The following SYNPO variants were observed in gnomAD, a reference collection of about 807,000 sequenced individuals.
SYNPO encodes the protein synaptopodin.
SYNPO carries 19 observed loss-of-function variants against 49.5 expected under a neutral mutation model. The ratio of observed to expected loss-of-function variants is 0.38; its 90% CI spans 0.27 to 0.56. SYNPO has a LOEUF of 0.56. Ranked by LOEUF, SYNPO falls within the 20% of genes least tolerant of loss-of-function variation. The probability of loss-of-function intolerance (pLI) is 0.68; values close to 1 mark genes in which losing one functional copy is unlikely to be tolerated. For missense variants in SYNPO, 1,131 were observed against 1,248.3 expected (o/e 0.91, Z 1.42); for synonymous variants, 536 against 548.0 (o/e 0.98, Z 0.31).
At chr5:150,636,847 G>A (rs1282908501), upstream of SYNPO, among the ~76,000 whole-genome samples, 16 of 152,102 alleles carry the variant, frequency 1.1e-4, no homozygotes, top group Non-Finnish European at 2.1e-4. Context: ...CTGATAATGA[G>A]CAGAAGAGTG....
chr5:150,618,182 A>C (rs1438006215), exon 2 of SYNPO: 1 of 679,614 alleles, frequency 1.5e-6, no homozygotes, highest in Non-Finnish European at 2.3e-6. Flanking sequence ...CCCAGGAAGG[A>C]CTTATCTTTC....
At chr5:150,601,717 C>A (rs946659880) in intron 1 of SYNPO, among the ~76,000 whole-genome samples, 1 of 152,116 alleles carries the variant, frequency 6.6e-6, no homozygotes, top group Non-Finnish European at 1.5e-5. Flanking sequence ...CTGCTGGCTG[C>A]CCCCTGGGAG....
At chr5:150,593,114 T>A in the SYNPO span, among the ~76,000 whole-genome samples, 1 of 152,262 alleles carries the variant, frequency 6.6e-6, no homozygotes, top group Non-Finnish European at 1.5e-5. Context: ...CATACTTCTT[T>A]GAATTCTACC....
intron 2 of SYNPO, among the ~76,000 whole-genome samples, chr5:150,619,838 C>A (rs955456741): frequency 1.3e-5 from 2 of 152,238 alleles, no homozygotes; most frequent in African/African-American, 2.4e-5. Flanking sequence ...CTGATCACCC[C>A]CCATGGCCAC....
upstream of SYNPO, among the ~76,000 whole-genome samples, chr5:150,598,755 A>G (rs1186462948): frequency 6.6e-6 from 1 of 152,166 alleles, no homozygotes; most frequent in East Asian, 1.9e-4. Flanking sequence ...TGCAGAGACA[A>G]CACAACTCAT....
At chr5:150,614,162 C>T (rs758876078) in intron 1 of SYNPO, among the ~76,000 whole-genome samples, 6 of 152,172 alleles carry the variant, frequency 3.9e-5, no homozygotes, top group African/African-American at 7.2e-5. Flanking sequence ...GGAAGTGGAT[C>T]GTGTTTTAAG....
intron 1 of SYNPO, among the ~76,000 whole-genome samples, chr5:150,643,794 A>G (rs1757993480): frequency 6.6e-6 from 1 of 152,062 alleles, no homozygotes; most frequent in Non-Finnish European, 1.5e-5. Flanking sequence ...TGGCCCCCCA[A>G]AATGCTAGGA....
At chr5:150,610,379 C>G (rs1756814365) in intron 1 of SYNPO, among the ~76,000 whole-genome samples, 1 of 152,210 alleles carries the variant, frequency 6.6e-6, no homozygotes, top group Non-Finnish European at 1.5e-5. Context: ...CCACGCCAGG[C>G]CACAGACACC....
At chr5:150,588,280 T>G in the SYNPO span, among the ~76,000 whole-genome samples, 1 of 152,148 alleles carries the variant, frequency 6.6e-6, no homozygotes, top group Admixed American at 6.5e-5. Context: ...CACTCTCTGG[T>G]GTGCCCCGGG....
Position 150,649,106 on chromosome 5 carries a change from G to A in SYNPO, c.831G>A (p.Leu277=), listed in dbSNP as rs1269584012. The A allele has an allele frequency of 1.2e-6, 2 of 1,613,886 alleles. No homozygotes were observed. Among genetic ancestry groups the A allele is most frequent in the Non-Finnish European group, 1.7e-6 (2 of 1,179,862 alleles). The change falls in exon 2 of 3, where the codon TTG becomes TTA. Residue 277 remains leucine, a synonymous_variant. Transcript: ENST00000307662. ...EKAPAPQPPS[L]PDRSPRPQRH... ...CCCCGGCTCCCCAGCCCCCCAGTTT[G>A]CCAGACAGGAGCCCCCGGCCACAGA...
chr5:150,626,683 C>G (rs1350722282), intron 2 of SYNPO, among the ~76,000 whole-genome samples: 1 of 152,232 alleles, frequency 6.6e-6, no homozygotes, highest in South Asian at 2.1e-4. Flanking sequence ...CTGTGGCATT[C>G]AGGCGCGTGG....
chr5:150,649,480 C>A lies in SYNPO; in HGVS notation c.1205C>A (p.Ala402Glu). 1 of 1,613,936 alleles carries A rather than the reference C, an allele frequency of 6.2e-7. No homozygotes were observed. The highest frequency in any genetic ancestry group is 8.5e-7 in the Non-Finnish European group (1 of 1,179,940). The change falls in exon 2 of 3, where the codon GCG (alanine) becomes GAG (glutamate). Residue 402 changes from alanine (A) to glutamate (E), a missense_variant. Physicochemically the swap from Ala to Glu is moderately radical, Grantham distance 107 (BLOSUM62 -1). Coordinates refer to ENST00000307662, the MANE Select transcript of SYNPO (RefSeq NM_007286.6). ...NPDLLDLVQT[A>E]DEKRRQRDQG... is the part of the protein sequence containing the mutation. ...GACTTGCTGGATCTGGTACAGACAG[C>A]GGATGAGAAGCGGCGGCAGAGGGAC...
chr5:150,593,207 C>T, the SYNPO span, among the ~76,000 whole-genome samples: 1 of 152,234 alleles, frequency 6.6e-6, no homozygotes, highest in African/African-American at 2.4e-5. Context: ...GAGGCCCTGA[C>T]TTGTGTGCTA....
rs536282675 is a variant in SYNPO at position 150,605,419 on chromosome 5, C to G, written c.-266+4231C>G. On this transcript the variant is annotated intron_variant, in intron 1 of 2. Coordinates refer to the SYNPO transcript ENST00000394243. ...AAGGATATTTAAAGAGATGAGGAAACTCAGAAAATTGAGGCTCAGATAGGG... is the reference window on the plus strand; with the variant it reads ...AAGGATATTTAAAGAGATGAGGAAAGTCAGAAAATTGAGGCTCAGATAGGG... Among the ~76,000 whole-genome samples, 12 of 151,930 alleles carry G rather than the reference C, an allele frequency of 7.9e-5. No individual in the cohort carries two copies. In the South Asian group the frequency reaches 8.3e-4, roughly 10 times the overall value.
chr5:150,613,185 G>A (rs975163545), intron 1 of SYNPO, among the ~76,000 whole-genome samples: 2 of 152,102 alleles, frequency 1.3e-5, no homozygotes, highest in African/African-American at 4.8e-5. Flanking sequence ...TCAGTCCCAT[G>A]CCTGCTGGTC....
At chr5:150,641,763 C>A (rs951487424) in intron 1 of SYNPO, among the ~76,000 whole-genome samples, 1 of 152,198 alleles carries the variant, frequency 6.6e-6, no homozygotes, top group African/African-American at 2.4e-5. Flanking sequence ...ATGAGTTTAT[C>A]AACTCTTCTC....
chr5:150,617,624 C>CT (rs1757016981), intron 1 of SYNPO: 1 of 152,150 alleles, frequency 6.6e-6, no homozygotes, highest in African/African-American at 2.4e-5. Flanking sequence ...GCACAATCTC[C>CT]TCCAAGGGCT....
chr5:150,634,917 C>G (rs2151391890), intron 2 of SYNPO, among the ~76,000 whole-genome samples: 1 of 152,076 alleles, frequency 6.6e-6, no homozygotes, highest in Middle Eastern at 3.4e-3. Flanking sequence ...TCCCCTGGGT[C>G]ATTTGAGCAT....
Position 150,656,842 on chromosome 5 carries a change from A to C in SYNPO, c.2467A>C (p.Ile823Leu), listed in dbSNP as rs931307329. The part of the protein sequence containing the change: ...AAVPGAAFAP[I>L]PRSPLPAGPS... ...TGTGCCGGGGGCAGCCTTCGCGCCC[A>C]TCCCGCGGAGCCCGTTGCCCGCCGG... The change falls in exon 3 of 3, where the codon ATC becomes CTC. Residue 823 changes from isoleucine to leucine, a missense_variant. Transcript: ENST00000307662. The C allele has an allele frequency of 2.7e-6, 4 of 1,471,924 alleles. No homozygotes were observed. The African/African-American group carries it at 5.9e-5, about 22-fold the overall frequency. The allele number at this position is 1,471,924 out of a possible 1,614,324, so 91.2% of individuals were successfully genotyped here.
Sources: gnomAD v4.1 joint callset for allele counts (sites outside exome capture counted in the v4.1 genomes callset) on GRCh38, gnomAD v4.1.1 for gene constraint, MANE v1.5 for transcripts, NCBI Gene and HGNC (gene_info 2026-07-23, HGNC 2026-07-21) for gene names.